Variants in ZDHHC14 observed in about 807,000 individuals in gnomAD.
ZDHHC14 encodes the protein palmitoyltransferase ZDHHC14.
In ZDHHC14, 16 loss-of-function variants were observed where a neutral mutation model predicts 47.7. The ratio of observed to expected loss-of-function variants is 0.34; its 90% CI spans 0.23 to 0.51. The LOEUF (loss-of-function observed/expected upper bound fraction) is 0.51. Among genes scored for constraint, ZDHHC14 ranks in the 20% least tolerant of loss-of-function variants. ZDHHC14 has a pLI of 0.97. For synonymous variants in ZDHHC14, 293 were observed against 278.9 expected, an observed-to-expected ratio of 1.05 and a Z score of -0.50; for missense variants, 515 against 662.5, an observed-to-expected ratio of 0.78 and a Z score of 2.44.
At chr6:157,550,470 CTA>C (rs999496984) in intron 2 of ZDHHC14, among the ~76,000 whole-genome samples, 6 of 151,788 alleles carry the variant, frequency 4.0e-5, no homozygotes, top group Non-Finnish European at 2.9e-5. Context: ...CACAGGCACT[CTA>C]GAGAGACCAC....
At chr6:157,474,987 A>G (rs1418102591) in intron 1 of ZDHHC14, among the ~76,000 whole-genome samples, 1 of 152,128 alleles carries the variant, frequency 6.6e-6, no homozygotes, top group Non-Finnish European at 1.5e-5. Flanking sequence ...GATCATTATC[A>G]TGGAGCTTTT....
intron 2 of ZDHHC14, among the ~76,000 whole-genome samples, chr6:157,584,971 G>A (rs1019153803): frequency 1.3e-4 from 20 of 152,224 alleles, no homozygotes; most frequent in East Asian, 5.8e-4. Context: ...ATGGGAGGCC[G>A]AGGCGGGTGG....
At chr6:157,598,832 C>T (rs1405969908) in intron 3 of ZDHHC14, among the ~76,000 whole-genome samples, 1 of 152,120 alleles carries the variant, frequency 6.6e-6, no homozygotes, top group East Asian at 1.9e-4. Context: ...ATTCATGGAA[C>T]ATTTACAAAA....
chr6:157,550,375 A>G (rs568740753), intron 2 of ZDHHC14, among the ~76,000 whole-genome samples: 1,977 of 151,226 alleles, frequency 0.013, 57 homozygotes, highest in African/African-American at 0.046. Flanking sequence ...TGTCACACAG[A>G]CATTCTAGAG....
intron 1 of ZDHHC14, among the ~76,000 whole-genome samples, chr6:157,485,989 G>A (rs894606165): frequency 2.4e-4 from 36 of 152,198 alleles, no homozygotes; most frequent in Non-Finnish European, 4.8e-4. Context: ...CTCCACCCTG[G>A]GTGACAGAGT....
At chr6:157,480,582 A>G (rs1779602815) in intron 1 of ZDHHC14, among the ~76,000 whole-genome samples, 1 of 152,108 alleles carries the variant, frequency 6.6e-6, no homozygotes, top group Non-Finnish European at 1.5e-5. Context: ...CAGGCTTTTG[A>G]TGGATTTAAA....
At chr6:157,574,586 C>T (rs1239266459) in intron 2 of ZDHHC14, among the ~76,000 whole-genome samples, 1 of 152,180 alleles carries the variant, frequency 6.6e-6, no homozygotes, top group African/African-American at 2.4e-5. Context: ...ACCACAGAAA[C>T]TCCCCTGGAC....
intron 2 of ZDHHC14, among the ~76,000 whole-genome samples, chr6:157,550,172 G>A (rs1782162502): frequency 6.6e-6 from 1 of 152,224 alleles, no homozygotes; most frequent in Non-Finnish European, 1.5e-5. Flanking sequence ...GCCTAGGAGT[G>A]TGAATTCCTA....
intron 1 of ZDHHC14, among the ~76,000 whole-genome samples, chr6:157,504,452 T>A (rs991164252): frequency 6.9e-6 from 1 of 144,250 alleles, no homozygotes; most frequent in African/African-American, 2.6e-5. Context: ...CCAGCCTATT[T>A]TTTTTTTTTT....
At chr6:157,669,077 C>CT (rs1270568000) in intron 8 of ZDHHC14, among the ~76,000 whole-genome samples, 1 of 152,238 alleles carries the variant, frequency 6.6e-6, no homozygotes, top group African/African-American at 2.4e-5. Context: ...GGGCTGTTAT[C>CT]TTTAAGTTAG....
chr6:157,649,297 T>G (rs371778517), intron 7 of ZDHHC14, among the ~76,000 whole-genome samples: 3 of 152,150 alleles, frequency 2.0e-5, no homozygotes, highest in South Asian at 4.1e-4. Flanking sequence ...AGGCTTTTAT[T>G]GGGTGAAGGC....
chr6:157,580,736 T>TGTGTGTGTGTG (rs372683275), intron 2 of ZDHHC14, among the ~76,000 whole-genome samples: 5 of 138,188 alleles, frequency 3.6e-5, no homozygotes, highest in Non-Finnish European at 6.4e-5. Context: ...GTGTGTGTGT[T>TGTGTGTGTGTG]TTTTTCTTTG....
intron 1 of ZDHHC14, 58 bp downstream of exon 1, chr6:157,382,324 G>A: frequency 1.9e-6 from 3 of 1,574,452 alleles, no homozygotes; most frequent in African/African-American, 1.4e-5. Context: ...CCTGTCCCCC[G>A]CCCCTCCTCG....
chr6:157,532,094 G>A (rs945329243), intron 1 of ZDHHC14, among the ~76,000 whole-genome samples: 30 of 152,216 alleles, frequency 2.0e-4, no homozygotes, highest in Non-Finnish European at 4.1e-4. Context: ...GGGAGGAGGA[G>A]CAGGCACAGC....
chr6:157,515,457 C>CTTTTT (rs1187323622), intron 1 of ZDHHC14, among the ~76,000 whole-genome samples: 67 of 129,446 alleles, frequency 5.2e-4, no homozygotes, highest in Non-Finnish European at 8.5e-4. Context: ...TTTTCTTTTT[C>CTTTTT]TTTTTTTTTT....
intron 1 of ZDHHC14, among the ~76,000 whole-genome samples, chr6:157,412,132 T>A (rs1038141601): frequency 1.3e-5 from 2 of 151,146 alleles, no homozygotes; most frequent in African/African-American, 2.4e-5. Flanking sequence ...AGAGATGGGG[T>A]TTTGCCATGT....
intron 2 of ZDHHC14, among the ~76,000 whole-genome samples, chr6:157,561,716 C>A (rs1447986168): frequency 6.6e-6 from 1 of 152,144 alleles, no homozygotes; most frequent in Non-Finnish European, 1.5e-5. Context: ...GCCTGGAGTG[C>A]AGTGGCGTGA....
At chr6:157,644,575 G>A (rs990641884) in intron 5 of ZDHHC14, among the ~76,000 whole-genome samples, 3 of 152,244 alleles carry the variant, frequency 2.0e-5, no homozygotes, top group Non-Finnish European at 4.4e-5. Flanking sequence ...CCAGATGGTG[G>A]CATCGGTTAA....
intron 2 of ZDHHC14, among the ~76,000 whole-genome samples, chr6:157,583,012 G>C (rs1406142195): frequency 6.6e-6 from 1 of 151,654 alleles, no homozygotes; most frequent in East Asian, 1.9e-4. Flanking sequence ...ATGTTCTGCT[G>C]TTAATACTTG....
Sources: gnomAD v4.1 joint callset for allele counts (sites outside exome capture counted in the v4.1 genomes callset) on GRCh38, gnomAD v4.1.1 for gene constraint, MANE v1.5 for transcripts, NCBI Gene and HGNC (gene_info 2026-07-23, HGNC 2026-07-21) for gene names.